The following CLNK variants were observed in gnomAD, a reference collection of about 807,000 sequenced individuals.
The protein encoded by CLNK is cytokine dependent hematopoietic cell linker, also known as cytokine-dependent hematopoietic cell linker.
A neutral mutation model predicts 68.6 loss-of-function variants in CLNK; 74 were observed. The ratio of observed to expected loss-of-function variants is 1.08; its 90% CI spans 0.89 to 1.31. The LOEUF (loss-of-function observed/expected upper bound fraction) is 1.31, where lower values mean the gene tolerates loss of function less well. Ranked by LOEUF, CLNK falls within the 50% of genes most tolerant of loss-of-function variation. The pLI, the probability that CLNK is intolerant of heterozygous loss-of-function variation, is 0.00. For synonymous variants in CLNK, 198 were observed against 172.2 expected, an observed-to-expected ratio of 1.15 and a Z score of -1.17; for missense variants, 553 against 515.3, an observed-to-expected ratio of 1.07 and a Z score of -0.71.
Position 10,503,193 on chromosome 4 carries a change from G to T in CLNK, c.985-1782C>A, listed in dbSNP as rs867338593. On this transcript the variant is annotated intron_variant, in intron 17 of 18. Transcript: ENST00000226951. The stretch of plus-strand genomic sequence containing the variant: ...ATGAAGAATAGAGGCCGGGTGTGGT[G>T]CCTGACACCTGTAATCCCAACACTT... Among the ~76,000 whole-genome samples, 9 of 152,296 alleles carry T rather than the reference G, an allele frequency of 5.9e-5. No individual in the cohort carries two copies. The South Asian group carries it at 1.7e-3, about 28-fold the overall frequency.
intron 5 of CLNK, among the ~76,000 whole-genome samples, chr4:10,568,402 T>A (rs1316737939): frequency 2.6e-5 from 4 of 152,184 alleles, no homozygotes; most frequent in Non-Finnish European, 5.9e-5. Flanking sequence ...GGGTTTCATT[T>A]TGAGATGATA....
At chr4:10,528,392 C>A (rs1288409321) in intron 12 of CLNK, among the ~76,000 whole-genome samples, 1 of 152,182 alleles carries the variant, frequency 6.6e-6, no homozygotes, top group African/African-American at 2.4e-5. Flanking sequence ...TAGAAATACT[C>A]TTATTCTTAT....
At chr4:10,543,535 C>T (rs765611162) in intron 8 of CLNK, among the ~76,000 whole-genome samples, 9 of 152,096 alleles carry the variant, frequency 5.9e-5, no homozygotes, top group African/African-American at 1.2e-4. Flanking sequence ...GGTGCCTGGG[C>T]GCAGGGGGAC....
At chr4:10,515,073 A>T (rs552420484) in intron 15 of CLNK, among the ~76,000 whole-genome samples, 2 of 152,264 alleles carry the variant, frequency 1.3e-5, no homozygotes, top group East Asian at 3.9e-4. Flanking sequence ...CCCCGTCTCT[A>T]CTAAAAATAC....
At chr4:10,680,497 C>T (rs1169152032) in intron 1 of CLNK, among the ~76,000 whole-genome samples, 2 of 151,780 alleles carry the variant, frequency 1.3e-5, no homozygotes, top group Middle Eastern at 3.4e-3. Context: ...TGCACATGTA[C>T]CCTAAAACTT....
chr4:10,725,851 C>CT, the CLNK span, among the ~76,000 whole-genome samples: 1 of 114,482 alleles, frequency 8.7e-6, no homozygotes, highest in Admixed American at 9.9e-5. Context: ...GAGACTCCGT[C>CT]TAAAAAAAAA....
the CLNK span, among the ~76,000 whole-genome samples, chr4:10,723,931 C>T: frequency 6.5e-4 from 38 of 58,084 alleles, no homozygotes; most frequent in Admixed American, 1.3e-3. Context: ...GGCAGGGCAG[C>T]GTGGCTTTGG....
intron 16 of CLNK, 103 bp downstream of exon 16, chr4:10,513,361 T>C (rs529708193): frequency 6.3e-6 from 7 of 1,116,338 alleles, no homozygotes; most frequent in African/African-American, 3.2e-5. Flanking sequence ...AGGGAAAAAG[T>C]TAAAGTCAAA....
At chr4:10,571,400 T>C (rs983227589) in intron 5 of CLNK, among the ~76,000 whole-genome samples, 2 of 146,196 alleles carry the variant, frequency 1.4e-5, no homozygotes, top group Non-Finnish European at 3.0e-5. Flanking sequence ...AAGGGTGCTA[T>C]CTCGGCTCAC....
chr4:10,566,239 AC>A (rs1281194489), intron 5 of CLNK, 89 bp from the exon 6 acceptor site: 3 of 1,279,090 alleles, frequency 2.3e-6, no homozygotes, highest in South Asian at 1.5e-5. Flanking sequence ...AATGGGGTAG[AC>A]CTTCTTAGCT....
chr4:10,724,450 A>G, the CLNK span, among the ~76,000 whole-genome samples: 64,556 of 150,828 alleles, frequency 0.43, 14,635 homozygotes, highest in East Asian at 0.58. Context: ...CTGGAATACT[A>G]TACGCCACTC....
At chr4:10,665,632 A>G (rs1195946467) in intron 2 of CLNK, among the ~76,000 whole-genome samples, 1 of 147,326 alleles carries the variant, frequency 6.8e-6, no homozygotes, top group Non-Finnish European at 1.5e-5. Context: ...CCACTGCACT[A>G]CAGCCTGGTG....
chr4:10,655,334 C>CAGACAGAGAGAGAG (rs771027553), intron 2 of CLNK, among the ~76,000 whole-genome samples: 3 of 135,326 alleles, frequency 2.2e-5, no homozygotes, highest in East Asian at 2.2e-4. Context: ...CCCCCAAAGA[C>CAGACAGAGAGAGAG]AGAGAGAGAG....
chr4:10,699,257 G>A, the CLNK span, among the ~76,000 whole-genome samples: 1 of 39,112 alleles, frequency 2.6e-5, no homozygotes, highest in Non-Finnish European at 5.8e-5. Context: ...CACCACGTAT[G>A]TGTGTATACA....
chr4:10,550,431 C>T (rs553923635), intron 8 of CLNK, among the ~76,000 whole-genome samples: 1 of 152,190 alleles, frequency 6.6e-6, no homozygotes, highest in Non-Finnish European at 1.5e-5. Context: ...GGAGGCGGAG[C>T]TTGCAGTGAG....
At chr4:10,628,837 A>G (rs1431577767) in intron 2 of CLNK, among the ~76,000 whole-genome samples, 1 of 152,184 alleles carries the variant, frequency 6.6e-6, no homozygotes, top group Non-Finnish European at 1.5e-5. Context: ...AGACCTACCA[A>G]TGAAGAAAAC....
chr4:10,654,393 A>ATATATATATATATATATATATATATG lies in CLNK; in HGVS notation c.11+13465_11+13466insCATATATATATATATATATATATATA, dbSNP rs1408561335. 4.3e-4 allele frequency among the ~76,000 whole-genome samples: 58 copies of ATATATATATATATATATATATATATG among 133,840 alleles called. 3 individuals carry two copies. Among genetic ancestry groups the ATATATATATATATATATATATATATG allele is most frequent in the Non-Finnish European group, 3.4e-4 (20 of 59,122 alleles). 87.8% of individuals were successfully genotyped at this position (133,840 alleles called of 152,430 possible). A position where few individuals can be genotyped will look rare whatever the true frequency, so the allele number is the denominator to read the frequency against. ...AAATATATATTGATTAAATATATAT[A>ATATATATATATATATATATATATATG]TATATATATAGAAAGTCTCTTGGCA... On this transcript the variant is annotated intron_variant, in intron 2 of 18. Transcript: ENST00000226951.
At chr4:10,527,109 G>A (rs116754529) in intron 13 of CLNK, among the ~76,000 whole-genome samples, 6 of 152,276 alleles carry the variant, frequency 3.9e-5, no homozygotes, top group Middle Eastern at 3.4e-3. Context: ...CATCAATAGC[G>A]ACCCAGAGTA....
the CLNK span, among the ~76,000 whole-genome samples, chr4:10,734,490 G>C: frequency 6.6e-6 from 1 of 152,188 alleles, no homozygotes; most frequent in South Asian, 2.1e-4. Context: ...TTTCGTGATT[G>C]AGGGAAGCAT....
Sources: gnomAD v4.1 joint callset for allele counts (sites outside exome capture counted in the v4.1 genomes callset) on GRCh38, gnomAD v4.1.1 for gene constraint, MANE v1.5 for transcripts, NCBI Gene and HGNC (gene_info 2026-07-23, HGNC 2026-07-21) for gene names.